The following MAF variants were observed in gnomAD, a reference collection of about 807,000 sequenced individuals.
MAF encodes the protein transcription factor Maf.
Under a neutral mutation model 22.0 loss-of-function variants are expected in MAF, and 10 were observed. The ratio of observed to expected loss-of-function variants is 0.45; its 90% CI spans 0.28 to 0.77. The LOEUF (loss-of-function observed/expected upper bound fraction) is 0.77. Among genes scored for constraint, MAF ranks in the 30% least tolerant of loss-of-function variants. The pLI is 0.12. For synonymous variants in MAF, 337 were observed against 255.8 expected, an observed-to-expected ratio of 1.32 and a Z score of -3.03; for missense variants, 544 against 548.4, an observed-to-expected ratio of 0.99 and a Z score of 0.08.
At chr16:79,585,965 TAAAC>T (rs1912813991) in intron 1 of MAF, 3 of 671,720 alleles carry the variant, frequency 4.5e-6, no homozygotes, top group Non-Finnish European at 5.3e-6. Context: ...TATATTAAAA[TAAAC>T]AAAGGGTAAT....
the MAF span, among the ~76,000 whole-genome samples, chr16:79,263,930 C>A: frequency 2.6e-5 from 4 of 152,176 alleles, no homozygotes; most frequent in African/African-American, 9.7e-5. Context: ...TCCTGAAAGA[C>A]TGGTTCTGGT....
At chr16:79,291,943 G>A in the MAF span, among the ~76,000 whole-genome samples, 1 of 151,224 alleles carries the variant, frequency 6.6e-6, no homozygotes, top group Non-Finnish European at 1.5e-5. Context: ...TCTCATGAGG[G>A]TACAACAGTA....
At chr16:79,504,643 A>T in the MAF span, among the ~76,000 whole-genome samples, 3 of 152,060 alleles carry the variant, frequency 2.0e-5, no homozygotes, top group Non-Finnish European at 4.4e-5. Flanking sequence ...ATGGATGGAT[A>T]AATAAATGAA....
chr16:79,333,714 C>T, the MAF span, among the ~76,000 whole-genome samples: 24 of 152,286 alleles, frequency 1.6e-4, no homozygotes, highest in South Asian at 1.0e-3. Flanking sequence ...TATCACCACA[C>T]GCGGAAACCT....
chr16:79,480,266 G>C, the MAF span, among the ~76,000 whole-genome samples: 1 of 152,014 alleles, frequency 6.6e-6, no homozygotes, highest in African/African-American at 2.4e-5. Flanking sequence ...CACGTTGTCG[G>C]TTTCAATTAT....
At chr16:79,597,084 A>G (rs998002343) in intron 1 of MAF, 4 of 1,058,934 alleles carry the variant, frequency 3.8e-6, no homozygotes, top group Non-Finnish European at 4.6e-6. Context: ...TACCCAACTT[A>G]TATTTAAGTT....
the MAF span, among the ~76,000 whole-genome samples, chr16:79,518,041 G>A: frequency 6.6e-6 from 1 of 152,170 alleles, no homozygotes; most frequent in Non-Finnish European, 1.5e-5. Flanking sequence ...ATATGAAAAT[G>A]GATTAGCACT....
At chr16:79,434,452 A>C in the MAF span, among the ~76,000 whole-genome samples, 2 of 152,158 alleles carry the variant, frequency 1.3e-5, no homozygotes, top group Non-Finnish European at 1.5e-5. Context: ...AAAATACCTG[A>C]AAATGTAACA....
chr16:79,587,871 G>C (rs948506877), intron 1 of MAF, among the ~76,000 whole-genome samples: 1 of 45,266 alleles, frequency 2.2e-5, no homozygotes, highest in Non-Finnish European at 3.9e-5. Context: ...CTTTCAAAAG[G>C]GGGGGGGGGG....
At chr16:79,281,983 G>C in the MAF span, among the ~76,000 whole-genome samples, 3 of 152,088 alleles carry the variant, frequency 2.0e-5, no homozygotes, top group Non-Finnish European at 4.4e-5. Context: ...TCCAACAGGA[G>C]TCCTGGTGTC....
chr16:79,396,060 G>A, the MAF span, among the ~76,000 whole-genome samples: 2 of 152,186 alleles, frequency 1.3e-5, no homozygotes, highest in East Asian at 1.9e-4. Context: ...TCCTACTTAG[G>A]TATAAGAGAT....
At chr16:79,223,944 G>T in the MAF span, among the ~76,000 whole-genome samples, 1 of 152,110 alleles carries the variant, frequency 6.6e-6, no homozygotes, top group African/African-American at 2.4e-5. Flanking sequence ...AAGAGGAGCT[G>T]GTACCATACC....
chr16:79,204,309 T>G, the MAF span: 1 of 152,080 alleles, frequency 6.6e-6, no homozygotes, highest in African/African-American at 2.4e-5. Flanking sequence ...GTCCGGTCAG[T>G]TCTAGAACGC....
the MAF span, among the ~76,000 whole-genome samples, chr16:79,365,579 T>C: frequency 2.4e-4 from 22 of 90,768 alleles, no homozygotes; most frequent in African/African-American, 1.1e-3. Flanking sequence ...AAGTTTGTGT[T>C]TGTTTTTTTT....
Position 79,600,427 on chromosome 16 carries a change from C to G in MAF, c.-525G>C, listed in dbSNP as rs899866381. ...TGTCCGGGCGGCGCGGGCCTTGGCA[C>G]GGGGGAGTTAACACTTCATGCTTCT... is the stretch of plus-strand genomic sequence containing the variant. On this transcript the variant is annotated 5_prime_UTR_variant, in exon 1 of 2. Coordinates refer to ENST00000326043, the MANE Select transcript of MAF (RefSeq NM_005360.5). 5.1e-6 allele frequency: 1 copy of G among 196,776 alleles called. No individual in the cohort carries two copies. The highest frequency in any genetic ancestry group is 9.2e-5 in the East Asian group (1 of 10,850). The allele number at this position is 196,776 out of a possible 1,614,324, so 12.2% of individuals were successfully genotyped here.
the MAF span, among the ~76,000 whole-genome samples, chr16:79,477,028 G>A: frequency 1.8e-4 from 28 of 152,234 alleles, no homozygotes; most frequent in African/African-American, 5.5e-4. Flanking sequence ...CCACCTCAGG[G>A]ACATCAGGCA....
the MAF span, among the ~76,000 whole-genome samples, chr16:79,413,725 A>G: frequency 4.6e-5 from 7 of 152,156 alleles, no homozygotes; most frequent in Non-Finnish European, 8.8e-5. Flanking sequence ...CCCAGGAAAT[A>G]CTCGAGTAAT....
chr16:79,234,994 A>T, the MAF span, among the ~76,000 whole-genome samples: 1 of 152,124 alleles, frequency 6.6e-6, no homozygotes, highest in Non-Finnish European at 1.5e-5. Context: ...ACAGAGACAC[A>T]TCCAGTAGCC....
chr16:79,524,278 G>A, the MAF span, among the ~76,000 whole-genome samples: 2 of 152,220 alleles, frequency 1.3e-5, no homozygotes, highest in East Asian at 1.9e-4. Context: ...CGGGGGCTAT[G>A]CAATACCTTC....
Sources: gnomAD v4.1 joint callset for allele counts (sites outside exome capture counted in the v4.1 genomes callset) on GRCh38, gnomAD v4.1.1 for gene constraint, MANE v1.5 for transcripts, NCBI Gene and HGNC (gene_info 2026-07-23, HGNC 2026-07-21) for gene names.